Variants in ST6GALNAC3 observed in about 807,000 individuals in gnomAD.
ST6GALNAC3 encodes alpha-N-acetylgalactosaminide alpha-2,6-sialyltransferase 3.
A neutral mutation model predicts 32.7 loss-of-function variants in ST6GALNAC3; 25 were observed. That is an observed-to-expected ratio of 0.76 (90% confidence interval 0.56 to 1.07). The LOEUF (loss-of-function observed/expected upper bound fraction) is 1.07, where lower values mean the gene tolerates loss of function less well. ST6GALNAC3 is among the 50% of genes least tolerant of loss of function. The pLI is 0.00. For synonymous variants in ST6GALNAC3, 129 were observed against 133.1 expected (o/e 0.97, Z 0.21); for missense variants, 355 against 382.4 (o/e 0.93, Z 0.60).
In ST6GALNAC3 at chr1:76,099,838, C is replaced by T. The variant is rs76347680; in HGVS notation, c.18+24954C>T. ...AAAGACTCCATTAACTCCATAGATT[C>T]GTTTAGGAAGGACTAACATTTTTAC... On this transcript the variant is annotated intron_variant, in intron 1 of 4. Transcript: ENST00000328299. 4.6e-3 allele frequency among the ~76,000 whole-genome samples: 697 copies of T among 152,172 alleles called. 4 individuals carry two copies. The highest frequency in any genetic ancestry group is 7.6e-3 in the Non-Finnish European group (519 of 67,980).
chr1:76,360,433 T>G (rs2101048878), intron 2 of ST6GALNAC3, among the ~76,000 whole-genome samples: 1 of 152,310 alleles, frequency 6.6e-6, no homozygotes, highest in South Asian at 2.1e-4. Context: ...CAGCATATGG[T>G]GCCTAACACT....
intron 1 of ST6GALNAC3, among the ~76,000 whole-genome samples, chr1:76,197,359 T>C (rs1654261992): frequency 6.6e-6 from 1 of 152,152 alleles, no homozygotes; most frequent in African/African-American, 2.4e-5. Flanking sequence ...GGAAAAAATA[T>C]GCATGGACTC....
chr1:76,411,593 A>G (rs2101296739), intron 2 of ST6GALNAC3, among the ~76,000 whole-genome samples: 1 of 152,244 alleles, frequency 6.6e-6, no homozygotes, highest in South Asian at 2.1e-4. Context: ...GGTAAAATAC[A>G]TAATTGATCC....
intron 2 of ST6GALNAC3, among the ~76,000 whole-genome samples, chr1:76,364,898 C>T (rs1161667005): frequency 1.3e-5 from 2 of 152,244 alleles, no homozygotes; most frequent in Non-Finnish European, 2.9e-5. Flanking sequence ...TTAGTTCAGG[C>T]ACTATGGAAA....
At chr1:76,612,231 G>C (rs946473336) in intron 3 of ST6GALNAC3, among the ~76,000 whole-genome samples, 4 of 152,152 alleles carry the variant, frequency 2.6e-5, no homozygotes, top group African/African-American at 9.7e-5. Flanking sequence ...CGTGAGCCAG[G>C]TCACCATTTC....
intron 2 of ST6GALNAC3, among the ~76,000 whole-genome samples, chr1:76,383,521 C>T (rs947830985): frequency 6.6e-6 from 1 of 151,410 alleles, no homozygotes; most frequent in African/African-American, 2.4e-5. Flanking sequence ...ATCCTCTGAC[C>T]TCAGCCTCCC....
At chr1:76,383,233 A>G (rs967559665) in intron 2 of ST6GALNAC3, among the ~76,000 whole-genome samples, 4 of 152,112 alleles carry the variant, frequency 2.6e-5, no homozygotes, top group Admixed American at 2.6e-4. Context: ...ATTTGTAAAC[A>G]GCAAACCCAC....
intron 1 of ST6GALNAC3, 47 bp downstream of exon 1, chr1:76,074,931 T>C: frequency 6.4e-7 from 1 of 1,573,880 alleles, no homozygotes; most frequent in Non-Finnish European, 8.6e-7. Context: ...GCCAGCCCCT[T>C]GCTGCTCAGA....
chr1:76,255,576 T>C (rs1334569589), intron 1 of ST6GALNAC3, among the ~76,000 whole-genome samples: 1 of 152,098 alleles, frequency 6.6e-6, no homozygotes, highest in African/African-American at 2.4e-5. Context: ...GGTACAAAGT[T>C]AAATTTAAAT....
At chr1:76,378,961 A>G (rs1466352515) in intron 2 of ST6GALNAC3, among the ~76,000 whole-genome samples, 1 of 152,082 alleles carries the variant, frequency 6.6e-6, no homozygotes. Context: ...CAGTGGCGCG[A>G]TCTTGGCTCA....
At chr1:76,084,486 G>A (rs1412975064) in intron 1 of ST6GALNAC3, among the ~76,000 whole-genome samples, 1 of 152,192 alleles carries the variant, frequency 6.6e-6, no homozygotes, top group East Asian at 1.9e-4. Context: ...ACACAGACTT[G>A]AAGCACTTTT....
chr1:76,238,477 G>A (rs1011197869), intron 1 of ST6GALNAC3, among the ~76,000 whole-genome samples: 1 of 152,092 alleles, frequency 6.6e-6, no homozygotes, highest in Non-Finnish European at 1.5e-5. Flanking sequence ...ATTTGTTGAG[G>A]GTATTTTTCC....
chr1:76,175,450 A>T (rs1430075797), intron 1 of ST6GALNAC3, among the ~76,000 whole-genome samples: 1 of 151,806 alleles, frequency 6.6e-6, no homozygotes, highest in Admixed American at 6.6e-5. Context: ...GAGAACATGA[A>T]ATCTTATTTT....
intron 1 of ST6GALNAC3, among the ~76,000 whole-genome samples, chr1:76,113,757 A>G (rs925250149): frequency 2.6e-5 from 4 of 151,928 alleles, no homozygotes; most frequent in Non-Finnish European, 5.9e-5. Context: ...GTTTTCTGGG[A>G]TTTCTGAGGA....
intron 2 of ST6GALNAC3, among the ~76,000 whole-genome samples, chr1:76,376,192 A>G (rs1393034813): frequency 6.6e-6 from 1 of 152,148 alleles, no homozygotes; most frequent in Admixed American, 6.5e-5. Context: ...GAGATCCCAT[A>G]TATCTTTCAT....
chr1:76,393,884 A>T (rs1571077788), intron 2 of ST6GALNAC3, among the ~76,000 whole-genome samples: 1 of 152,298 alleles, frequency 6.6e-6, no homozygotes, highest in East Asian at 1.9e-4. Context: ...ATGAGAAGAG[A>T]TAAACTACTA....
intron 2 of ST6GALNAC3, among the ~76,000 whole-genome samples, chr1:76,410,140 C>A (rs1332908998): frequency 6.6e-6 from 1 of 152,114 alleles, no homozygotes; most frequent in African/African-American, 2.4e-5. Flanking sequence ...GTCCCGAGCC[C>A]TTCAATGGCG....
chr1:76,609,905 A>G (rs555679860), intron 3 of ST6GALNAC3, among the ~76,000 whole-genome samples: 1 of 152,292 alleles, frequency 6.6e-6, no homozygotes, highest in East Asian at 1.9e-4. Flanking sequence ...TGGAATAGAA[A>G]CGCCTTGGCC....
chr1:76,241,483 C>G (rs1656964501), intron 1 of ST6GALNAC3, among the ~76,000 whole-genome samples: 1 of 152,150 alleles, frequency 6.6e-6, no homozygotes, highest in African/African-American at 2.4e-5. Flanking sequence ...AGAACTCACT[C>G]ACCCTTTCCC....
Sources: gnomAD v4.1 joint callset for allele counts (sites outside exome capture counted in the v4.1 genomes callset) on GRCh38, gnomAD v4.1.1 for gene constraint, MANE v1.5 for transcripts, NCBI Gene and HGNC (gene_info 2026-07-23, HGNC 2026-07-21) for gene names.